The following CUX1 variants were observed in gnomAD, a reference collection of about 807,000 sequenced individuals.
The protein encoded by CUX1 is protein CASP.
Under a neutral mutation model 158.8 loss-of-function variants are expected in CUX1, and 31 were observed. That is an observed-to-expected ratio of 0.20 (90% CI 0.15 to 0.26). The LOEUF (loss-of-function observed/expected upper bound fraction) is 0.26, where lower values mean the gene tolerates loss of function less well. Among genes scored for constraint, CUX1 ranks in the 10% least tolerant of loss-of-function variants. CUX1 has a pLI of 1.00. For synonymous variants in CUX1, 879 were observed against 862.1 expected, an observed-to-expected ratio of 1.02 and a Z score of -0.34; for missense variants, 1,589 against 2,014.6, an observed-to-expected ratio of 0.79 and a Z score of 4.04.
At chr7:102,128,619 C>T (rs1832901208) in intron 8 of CUX1, among the ~76,000 whole-genome samples, 1 of 151,586 alleles carries the variant, frequency 6.6e-6, no homozygotes, top group Admixed American at 6.6e-5. Context: ...GGGTTTAATT[C>T]CCAACTCCAT....
At chr7:102,244,709 C>A (rs959757713) in intron 23 of CUX1, among the ~76,000 whole-genome samples, 1 of 152,050 alleles carries the variant, frequency 6.6e-6, no homozygotes, top group Non-Finnish European at 1.5e-5. Context: ...AAAAACATAT[C>A]TCAGGCTGAC....
intron 4 of CUX1, among the ~76,000 whole-genome samples, chr7:102,075,822 A>G (rs141168507): frequency 6.6e-6 from 1 of 152,332 alleles, no homozygotes; most frequent in Non-Finnish European, 1.5e-5. Context: ...ACATGCCTGC[A>G]TGGACATTTA....
chr7:101,819,565 C>G (rs1792248335), intron 1 of CUX1, among the ~76,000 whole-genome samples: 1 of 152,082 alleles, frequency 6.6e-6, no homozygotes. Flanking sequence ...TACTGGCTGT[C>G]CAGTACTGTT....
At chr7:102,110,569 T>C (rs944675272) in intron 6 of CUX1, among the ~76,000 whole-genome samples, 2 of 152,222 alleles carry the variant, frequency 1.3e-5, no homozygotes, top group African/African-American at 4.8e-5. Flanking sequence ...GTAGTTTATG[T>C]TACACTATAG....
rs146017395 is a variant in CUX1, at chr7:101,867,817, C to CT, written c.31-48285dup. The stretch of plus-strand genomic sequence containing the variant: ...AAATCAACTCAAAGTCCAAATGCAA[C>CT]TTTTTTTTTTTTTCTGAGACAGGGT... On this transcript the variant is annotated intron_variant, in intron 1 of 23. Transcript: ENST00000292535. Among the ~76,000 whole-genome samples, 662 of 147,564 alleles carry CT rather than the reference C, an allele frequency of 4.5e-3. 3 individuals are homozygous for CT. The highest frequency in any genetic ancestry group is 0.011 in the African/African-American group (439 of 40,486).
At chr7:102,098,834 T>G (rs1307712145) in intron 5 of CUX1, among the ~76,000 whole-genome samples, 1 of 103,558 alleles carries the variant, frequency 9.7e-6, no homozygotes, top group Non-Finnish European at 1.9e-5. Flanking sequence ...TTTTTTTTTT[T>G]TTTTTAAGTA....
intron 2 of CUX1, among the ~76,000 whole-genome samples, chr7:102,019,956 A>G (rs1819151798): frequency 2.0e-5 from 3 of 152,212 alleles, no homozygotes; most frequent in African/African-American, 7.2e-5. Flanking sequence ...CCTTTAAACC[A>G]GATTTCTTTT....
chr7:102,252,947 C>G lies in CUX1; in HGVS notation c.*3905C>G. 3 of 985,444 alleles carry G rather than the reference C, an allele frequency of 3.0e-6. No homozygotes were observed. Among genetic ancestry groups the G allele is most frequent in the Non-Finnish European group, 3.6e-6 (3 of 829,948 alleles). 61.0% of individuals were successfully genotyped at this position (985,444 alleles called of 1,614,324 possible). The stretch of plus-strand genomic sequence containing the variant: ...GGATTGGGGTGACAGCCCAGGGATG[C>G]ATGCATGGGAGAACTCTCTGAGAAA... On this transcript the variant is annotated 3_prime_UTR_variant, in exon 24 of 24. Transcript: ENST00000292535.
intron 2 of CUX1, among the ~76,000 whole-genome samples, chr7:101,982,095 G>A (rs1473358912): frequency 2.0e-5 from 3 of 152,254 alleles, no homozygotes; most frequent in South Asian, 2.1e-4. Context: ...TTTCTTGCCT[G>A]TTGATTGCTA....
chr7:102,239,613 G>T, intron 23 of CUX1, 29 bp downstream of exon 23: 3 of 1,597,526 alleles, frequency 1.9e-6, no homozygotes, highest in Non-Finnish European at 2.6e-6. Flanking sequence ...AGGGAGCGCC[G>T]GTCGGCCCAG....
At chr7:101,844,586 T>C (rs1795495011) in intron 1 of CUX1, among the ~76,000 whole-genome samples, 1 of 152,256 alleles carries the variant, frequency 6.6e-6, no homozygotes, top group East Asian at 1.9e-4. Flanking sequence ...TTCATTCTTT[T>C]TTCTTTTTAT....
chr7:101,971,989 CAG>C (rs1168094285), intron 2 of CUX1, among the ~76,000 whole-genome samples: 1 of 152,306 alleles, frequency 6.6e-6, no homozygotes, highest in Admixed American at 6.5e-5. Context: ...TATTTTGAGA[CAG>C]AGTCTCGCTC....
At chr7:102,062,314 T>C (rs940942404) in intron 3 of CUX1, among the ~76,000 whole-genome samples, 1 of 152,128 alleles carries the variant, frequency 6.6e-6, no homozygotes, top group African/African-American at 2.4e-5. Flanking sequence ...GGCAGCAGCA[T>C]ATTCCATGTG....
chr7:101,851,434 C>G (rs975750405), intron 1 of CUX1, among the ~76,000 whole-genome samples: 2 of 152,070 alleles, frequency 1.3e-5, no homozygotes. Context: ...GACTCGTGTA[C>G]GCCATGGCTT....
At chr7:102,150,174 G>C (rs1199988602) in intron 8 of CUX1, among the ~76,000 whole-genome samples, 1 of 152,076 alleles carries the variant, frequency 6.6e-6, no homozygotes, top group Non-Finnish European at 1.5e-5. Context: ...TGTTTTGTTT[G>C]AGACAGGGTC....
chr7:101,899,816 C>G (rs559761492), intron 1 of CUX1, among the ~76,000 whole-genome samples: 9 of 152,222 alleles, frequency 5.9e-5, no homozygotes, highest in South Asian at 2.1e-4. Context: ...GCACAGAGAC[C>G]TAGGATGAAG....
chr7:102,034,959 C>A (rs1441361725), intron 3 of CUX1, among the ~76,000 whole-genome samples: 1 of 151,206 alleles, frequency 6.6e-6, no homozygotes, highest in Non-Finnish European at 1.5e-5. Context: ...AACAAAAAAC[C>A]CTACTAACAA....
intron 15 of CUX1, among the ~76,000 whole-genome samples, 175 bp from the exon 16 acceptor site, chr7:102,198,627 G>T (rs1260945904): frequency 2.0e-5 from 3 of 152,202 alleles, no homozygotes; most frequent in Non-Finnish European, 4.4e-5. Flanking sequence ...GCCTCTGCGG[G>T]CCGGTCAGCC....
intron 2 of CUX1, among the ~76,000 whole-genome samples, chr7:101,959,834 G>GTACA (rs1810251371): frequency 6.6e-6 from 1 of 152,142 alleles, no homozygotes; most frequent in Non-Finnish European, 1.5e-5. Flanking sequence ...TTTGGACATG[G>GTACA]TACAACCTGT....
Sources: gnomAD v4.1 joint callset for allele counts (sites outside exome capture counted in the v4.1 genomes callset) on GRCh38, gnomAD v4.1.1 for gene constraint, MANE v1.5 for transcripts, NCBI Gene and HGNC (gene_info 2026-07-23, HGNC 2026-07-21) for gene names.